SIMC1: variants seen among roughly 807,000 people sequenced by gnomAD.
The protein encoded by SIMC1 is SUMO-interacting motif-containing protein 1.
In SIMC1, 55 loss-of-function variants were observed where a neutral mutation model predicts 82.3. The ratio of observed to expected loss-of-function variants is 0.67; its 90% CI spans 0.54 to 0.84. The LOEUF is 0.84. Among genes scored for constraint, SIMC1 ranks in the 40% least tolerant of loss-of-function variants. The pLI, the probability that SIMC1 is intolerant of heterozygous loss-of-function variation, is 0.00. For missense variants in SIMC1, 915 were observed against 1,107.2 expected (o/e 0.83, Z 2.46); for synonymous variants, 353 against 426.3 (o/e 0.83, Z 2.12).
chr5:176,307,586 G>C (rs6860403), intron 4 of SIMC1, among the ~76,000 whole-genome samples: 17,768 of 151,946 alleles, frequency 0.12, 1,097 homozygotes, highest in Admixed American at 0.15. Flanking sequence ...ATTTTTAGTA[G>C]AGACGGGGTT....
intron 1 of SIMC1, among the ~76,000 whole-genome samples, chr5:176,275,245 A>G (rs1762634431): frequency 6.6e-6 from 1 of 151,664 alleles, no homozygotes; most frequent in Non-Finnish European, 1.5e-5. Flanking sequence ...GCAATTGTGA[A>G]TGGGAGTTCA....
intron 1 of SIMC1, among the ~76,000 whole-genome samples, chr5:176,288,589 T>TA (rs1421302679): frequency 6.6e-6 from 1 of 152,192 alleles, no homozygotes; most frequent in Non-Finnish European, 1.5e-5. Context: ...AAGGTGGTGA[T>TA]ACTATATGGC....
At position 176,308,840 on chromosome 5, in the gene SIMC1, A is replaced by T. The variant is rs1248864602; in HGVS notation, c.1735-4851A>T. 1.0e-5 allele frequency: 13 copies of T among 1,245,802 alleles called. No individual in the cohort carries two copies. The East Asian group carries it at 3.0e-4, about 29-fold the overall frequency. 77.2% of individuals were successfully genotyped at this position (1,245,802 alleles called of 1,614,324 possible). ...ACAGCCTTACACATCTGGACTCATA[A>T]CCAAGATCCATAATGGCTCAGTGTT... On this transcript the variant is annotated intron_variant, in intron 4 of 9. Coordinates refer to ENST00000429602, the MANE Select transcript of SIMC1 (RefSeq NM_001308195.2).
chr5:176,344,458 G>T (rs1561740312), intron 9 of SIMC1, among the ~76,000 whole-genome samples: 1 of 137,638 alleles, frequency 7.3e-6, no homozygotes, highest in African/African-American at 2.7e-5. Context: ...ATCACTTGAG[G>T]TCAGGAGTAT....
At chr5:176,295,420 A>G (rs1458268809) in intron 3 of SIMC1, among the ~76,000 whole-genome samples, 158 bp downstream of exon 3, 1 of 152,236 alleles carries the variant, frequency 6.6e-6, no homozygotes, top group African/African-American at 2.4e-5. Flanking sequence ...CCCAGTCCAA[A>G]CAGACCTTAA....
chr5:176,281,777 G>A (rs867264565), intron 1 of SIMC1, among the ~76,000 whole-genome samples: 5 of 152,160 alleles, frequency 3.3e-5, no homozygotes, highest in African/African-American at 7.2e-5. Context: ...CCGTCTGATC[G>A]TTCCTCTGGA....
At chr5:176,270,654 CTG>C (rs1473387643) in intron 1 of SIMC1, 4 of 152,370 alleles carry the variant, frequency 2.6e-5, no homozygotes, top group African/African-American at 9.6e-5. Context: ...GAGAGAGAAT[CTG>C]TGTGCTTGGG....
chr5:176,291,951 G>A (rs1763594037), intron 2 of SIMC1, among the ~76,000 whole-genome samples: 1 of 152,148 alleles, frequency 6.6e-6, no homozygotes, highest in African/African-American at 2.4e-5. Flanking sequence ...AGCTACTCAG[G>A]AGGCTGAGGC....
chr5:176,334,978 C>G (rs1037255007), intron 7 of SIMC1, among the ~76,000 whole-genome samples: 1 of 151,194 alleles, frequency 6.6e-6, no homozygotes. Flanking sequence ...ATAATCCCAG[C>G]GGCTCAGGAG....
chr5:176,313,283 A>G, intron 4 of SIMC1: 1 of 1,418,850 alleles, frequency 7.0e-7, no homozygotes, highest in South Asian at 1.7e-5. Flanking sequence ...AGTTTTGGGT[A>G]TATCCTGAGG....
rs954161818 is a variant in SIMC1 at position 176,307,927 on chromosome 5, A to G, written c.1735-5764A>G. The G allele has an allele frequency of 7.3e-6, 4 of 547,138 alleles. No homozygotes were observed. In the African/African-American group the frequency reaches 7.6e-5, roughly 10 times the overall value. The allele number at this position is 547,138 out of a possible 1,614,324, so 33.9% of individuals were successfully genotyped here. On this transcript the variant is annotated intron_variant, in intron 4 of 9. Transcript: ENST00000429602. Reference sequence around the variant, plus strand: ...AAAAATGAAAACCTGTCAGCCAAAGACATACATTCAAATGTTCAAAGCAGT... The same window carrying G: ...AAAAATGAAAACCTGTCAGCCAAAGGCATACATTCAAATGTTCAAAGCAGT...
rs374763357 is a variant in SIMC1 at position 176,313,715 on chromosome 5, C to T, written c.1759C>T (p.Leu587Phe). The T allele has an allele frequency of 3.1e-6, 5 of 1,613,812 alleles. No homozygotes were observed. The highest frequency in any genetic ancestry group is 4.2e-6 in the Non-Finnish European group (5 of 1,179,860). Residue 587 changes from leucine to phenylalanine, a missense_variant, in exon 5 of 10, where the codon CTT (leucine) becomes TTT (phenylalanine). Physicochemically the swap from Leu to Phe is conservative, Grantham distance 22. Coordinates refer to ENST00000429602, the MANE Select transcript of SIMC1 (RefSeq NM_001308195.2). ...EEGQTLPGRVLFLRYVVQTLE... is the reference protein window; with the variant it reads ...EEGQTLPGRVFFLRYVVQTLE... Reference sequence around the variant, plus strand: ...GGGACAAACTCTGCCTGGGCGAGTCCTTTTCCTGCGTTATGTCGTTCAGAC... The same window carrying T: ...GGGACAAACTCTGCCTGGGCGAGTCTTTTTCCTGCGTTATGTCGTTCAGAC...
intron 9 of SIMC1, among the ~76,000 whole-genome samples, chr5:176,339,765 A>G (rs895329361): frequency 6.6e-6 from 1 of 152,214 alleles, no homozygotes; most frequent in African/African-American, 2.4e-5. Context: ...GTGCTGTTTT[A>G]TCCTTAAATG....
chr5:176,258,054 G>T (rs1761904851), intron 1 of SIMC1, among the ~76,000 whole-genome samples: 1 of 152,192 alleles, frequency 6.6e-6, no homozygotes, highest in South Asian at 2.1e-4. Context: ...TTTCTAAGCG[G>T]AAGTACAGTA....
chr5:176,313,966 A>T (rs564504894), intron 5 of SIMC1, 121 bp downstream of exon 5: 1 of 1,279,268 alleles, frequency 7.8e-7, no homozygotes, highest in East Asian at 2.5e-5. Context: ...AATAGGGCTA[A>T]TTTTTAAAAC....
intron 1 of SIMC1, among the ~76,000 whole-genome samples, chr5:176,255,034 TG>T (rs1761802202): frequency 6.6e-6 from 1 of 151,864 alleles, no homozygotes; most frequent in South Asian, 2.1e-4. Context: ...CCCAGCACTT[TG>T]GGAGGCCGAG....
intron 9 of SIMC1, among the ~76,000 whole-genome samples, chr5:176,341,529 G>A (rs1489315623): frequency 6.6e-6 from 1 of 152,202 alleles, no homozygotes; most frequent in Non-Finnish European, 1.5e-5. Context: ...GGCCAGAGGG[G>A]CCAGGGGAGG....
chr5:176,319,541 A>G (rs191309507), intron 5 of SIMC1, among the ~76,000 whole-genome samples: 72 of 152,184 alleles, frequency 4.7e-4, no homozygotes, highest in African/African-American at 1.6e-3. Context: ...AATAATAATA[A>G]TAGGCTGGGC....
At chr5:176,296,630 T>C (rs1763827555) in intron 4 of SIMC1, 2 of 329,322 alleles carry the variant, frequency 6.1e-6, no homozygotes, top group Non-Finnish European at 1.1e-5. Flanking sequence ...GATCACAACA[T>C]TGTACTCCAG....
Sources: allele counts gnomAD v4.1 joint callset (sites outside exome capture counted in the v4.1 genomes callset), GRCh38; gene constraint gnomAD v4.1.1; transcripts MANE v1.5; gene names NCBI Gene and HGNC (gene_info 2026-07-23, HGNC 2026-07-21).